The following DLGAP2 variants were observed in gnomAD, a reference collection of about 807,000 sequenced individuals.
The protein encoded by DLGAP2 is DLG associated protein 2, also known as disks large-associated protein 2.
DLGAP2 carries 26 observed loss-of-function variants against 100.3 expected under a neutral mutation model. The ratio of observed to expected loss-of-function variants is 0.26; its 90% confidence interval spans 0.19 to 0.36. The LOEUF (loss-of-function observed/expected upper bound fraction) is 0.36. DLGAP2 is among the 10% of genes least tolerant of loss of function. DLGAP2 has a pLI of 1.00. For synonymous variants in DLGAP2, 886 were observed against 630.1 expected (o/e 1.41, Z -6.08); for missense variants, 1,858 against 1,453.2 (o/e 1.28, Z -4.53).
rs145256486 is a variant in DLGAP2, at chr8:1,389,232, T to G, written c.107-112134T>G. Among the ~76,000 whole-genome samples, 559 of 148,208 alleles carry G rather than the reference T, an allele frequency of 3.8e-3. 7 individuals carry two copies. The highest frequency in any genetic ancestry group is 0.014 in the African/African-American group (521 of 38,324). On this transcript the variant is annotated intron_variant, in intron 3 of 14. Coordinates refer to ENST00000637795, the MANE Select transcript of DLGAP2 (RefSeq NM_001346810.2). ...AATGCCATAATGGGAGGAGCGGTAC[T>G]CTGGAGGAGGAGGATTGGAAGGCGA... is the stretch of plus-strand genomic sequence containing the variant.
chr8:1,381,980 A>T (rs962579596), intron 3 of DLGAP2, among the ~76,000 whole-genome samples: 1 of 152,144 alleles, frequency 6.6e-6, no homozygotes, highest in Non-Finnish European at 1.5e-5. Context: ...CATTTATGCA[A>T]TCTTGAAAAA....
At chr8:1,293,088 A>T (rs1197267358) in intron 3 of DLGAP2, among the ~76,000 whole-genome samples, 1 of 152,136 alleles carries the variant, frequency 6.6e-6, no homozygotes, top group African/African-American at 2.4e-5. Flanking sequence ...GTGGGGGAGA[A>T]AGGGGTACTC....
chr8:1,322,816 T>A (rs182031687), intron 3 of DLGAP2, among the ~76,000 whole-genome samples: 1 of 152,342 alleles, frequency 6.6e-6, no homozygotes, highest in East Asian at 1.9e-4. Flanking sequence ...AGTTAATAAT[T>A]TCCTCTTTAA....
intron 2 of DLGAP2, among the ~76,000 whole-genome samples, chr8:1,218,258 T>TCC (rs1798250685): frequency 2.0e-5 from 3 of 152,228 alleles, no homozygotes; most frequent in Non-Finnish European, 4.4e-5. Flanking sequence ...TTGAGTTAAT[T>TCC]ATTGTATATG....
At chr8:1,316,586 C>G (rs1409586200) in intron 3 of DLGAP2, among the ~76,000 whole-genome samples, 3 of 141,018 alleles carry the variant, frequency 2.1e-5, no homozygotes, top group Non-Finnish European at 3.1e-5. Context: ...GTGGTCTACA[C>G]TCGAGACACT....
At chr8:1,048,639 T>G (rs1802585841) in intron 2 of DLGAP2, among the ~76,000 whole-genome samples, 1 of 151,866 alleles carries the variant, frequency 6.6e-6, no homozygotes, top group South Asian at 2.1e-4. Flanking sequence ...TAAGCTGGGC[T>G]CAAACCACAT....
chr8:887,564 C>T (rs1797947349), intron 1 of DLGAP2, among the ~76,000 whole-genome samples: 2 of 152,154 alleles, frequency 1.3e-5, no homozygotes, highest in South Asian at 4.1e-4. Flanking sequence ...ACAGGGCAGG[C>T]CTGGTGGTAA....
At chr8:1,238,265 GTACCGTGTCTAGTTCTCTCACATGT>G (rs1563272397) in intron 2 of DLGAP2, among the ~76,000 whole-genome samples, 22 of 47,822 alleles carry the variant, frequency 4.6e-4, no homozygotes, top group East Asian at 1.2e-3. Context: ...CTCTCACATG[GTACCGTGTCTAGTTCTCTCACATGT>G]TGCCGTGTCT....
intron 2 of DLGAP2, among the ~76,000 whole-genome samples, chr8:1,226,124 A>G (rs1201046161): frequency 4.6e-5 from 7 of 152,194 alleles, no homozygotes; most frequent in Non-Finnish European, 1.0e-4. Flanking sequence ...TAGCAGAAAA[A>G]TAAATAGCTC....
chr8:1,564,217 A>G (rs921058357), intron 5 of DLGAP2, among the ~76,000 whole-genome samples: 1 of 152,128 alleles, frequency 6.6e-6, no homozygotes, highest in Non-Finnish European at 1.5e-5. Flanking sequence ...AAGCTAATGA[A>G]CCGTGGGGAA....
chr8:916,253 C>T lies in DLGAP2; in HGVS notation c.73+8287C>T, dbSNP rs189778127. ...CTACATATATACATGAAATTGATGA[C>T]AAAACCCAAGGTTGACACCAATGCT... On this transcript the variant is annotated intron_variant, in intron 2 of 14. Transcript: ENST00000637795. Among the ~76,000 whole-genome samples, 5 of 152,314 alleles carry T rather than the reference C, an allele frequency of 3.3e-5. No homozygotes were observed. The East Asian group carries it at 9.6e-4, about 29-fold the overall frequency.
intron 2 of DLGAP2, among the ~76,000 whole-genome samples, chr8:1,179,996 A>T (rs10104013): frequency 6.6e-6 from 1 of 152,214 alleles, no homozygotes; most frequent in Non-Finnish European, 1.5e-5. Context: ...TTGGTGTTTT[A>T]TACTAGCCAG....
intron 3 of DLGAP2, among the ~76,000 whole-genome samples, chr8:1,332,362 T>G (rs1457590961): frequency 6.6e-6 from 1 of 151,996 alleles, no homozygotes; most frequent in Non-Finnish European, 1.5e-5. Flanking sequence ...TATACATCTG[T>G]GTACACATAT....
At chr8:1,190,160 A>C (rs1476656578) in intron 2 of DLGAP2, among the ~76,000 whole-genome samples, 2 of 152,168 alleles carry the variant, frequency 1.3e-5, no homozygotes, top group African/African-American at 4.8e-5. Context: ...TATGGATTGC[A>C]CTTTAGATAA....
chr8:1,450,824 A>G (rs1293465452), intron 3 of DLGAP2, among the ~76,000 whole-genome samples: 1 of 152,200 alleles, frequency 6.6e-6, no homozygotes, highest in Admixed American at 6.5e-5. Context: ...AATATTTAGA[A>G]GGTATTTGTT....
intron 4 of DLGAP2, among the ~76,000 whole-genome samples, chr8:1,545,873 CAGA>C (rs1475099443): frequency 1.3e-5 from 2 of 152,176 alleles, no homozygotes; most frequent in Middle Eastern, 3.4e-3. Context: ...AAACATTAGG[CAGA>C]AGTAGGATAC....
intron 2 of DLGAP2, among the ~76,000 whole-genome samples, chr8:1,252,622 A>G (rs1347169953): frequency 6.6e-6 from 1 of 152,260 alleles, no homozygotes. Flanking sequence ...GTGAGTGCCT[A>G]TTCACATATT....
intron 2 of DLGAP2, 133 bp from the exon 3 acceptor site, chr8:1,258,718 G>T: frequency 1.5e-6 from 1 of 680,276 alleles, no homozygotes. Flanking sequence ...TTTATGGAAG[G>T]GTCCACTGGC....
Position 1,537,722 on chromosome 8 carries a change from AAAGGATGGAAGG to A in DLGAP2, c.173-10898_173-10887del, listed in dbSNP as rs1300039185. 4.3e-3 allele frequency among the ~76,000 whole-genome samples: 517 copies of A among 121,434 alleles called. 2 individuals are homozygous for A. The highest frequency in any genetic ancestry group is 0.014 in the African/African-American group (463 of 32,036). The allele number at this position is 121,434 out of a possible 152,430, so 79.7% of individuals were successfully genotyped here. A position where few individuals can be genotyped will look rare whatever the true frequency, so the allele number is the denominator to read the frequency against. ...AGATGGAAGGATGGATGGATGGATG[AAAGGATGGAAGG>A]AAGGAAGGAAGGAAGGAAGGAAGGA... On this transcript the variant is annotated intron_variant, in intron 4 of 14. Coordinates refer to ENST00000637795, the MANE Select transcript of DLGAP2 (RefSeq NM_001346810.2).
Sources: allele counts gnomAD v4.1 joint callset (sites outside exome capture counted in the v4.1 genomes callset), GRCh38; gene constraint gnomAD v4.1.1; transcripts MANE v1.5; gene names NCBI Gene and HGNC (gene_info 2026-07-23, HGNC 2026-07-21).